The following SCD5 variants were observed in gnomAD, a reference collection of about 807,000 sequenced individuals.
SCD5 encodes acyl-CoA-desaturase 4.
Under a neutral mutation model 30.4 loss-of-function variants are expected in SCD5, and 20 were observed. The ratio of observed to expected loss-of-function variants is 0.66; its 90% CI spans 0.46 to 0.96. The LOEUF (loss-of-function observed/expected upper bound fraction) is 0.96, where lower values mean the gene tolerates loss of function less well. SCD5 is among the 40% of genes least tolerant of loss of function. The probability of loss-of-function intolerance (pLI) is 0.00; values close to 1 mark genes in which losing one functional copy is unlikely to be tolerated. For synonymous variants in SCD5, 173 were observed against 176.4 expected (o/e 0.98, Z 0.16); for missense variants, 381 against 443.3 (o/e 0.86, Z 1.26).
At chr4:82,633,288 T>C (rs772999311) in intron 4 of SCD5, among the ~76,000 whole-genome samples, 1 of 152,264 alleles carries the variant, frequency 6.6e-6, no homozygotes, top group Non-Finnish European at 1.5e-5. Flanking sequence ...TCCAGGTTCA[T>C]TCAAGTTGTG....
rs1002693288 is a variant in SCD5, at chr4:82,798,595, G to T, written c.-58C>A. The T allele has an allele frequency of 2.1e-6, 3 of 1,434,728 alleles. No individual in the cohort carries two copies. The highest frequency in any genetic ancestry group is 2.8e-6 in the Non-Finnish European group (3 of 1,075,680). The allele number at this position is 1,434,728 out of a possible 1,614,324, so 88.9% of individuals were successfully genotyped here. On this transcript the variant is annotated 5_prime_UTR_variant, in exon 1 of 5. Coordinates refer to ENST00000319540, the MANE Select transcript of SCD5 (RefSeq NM_001037582.3). ...AGGCAGGCAGGCGCTCTGCCCGAGCGGAGCTCGAGGGTGGGGGCGGGGGCT... is the reference window on the plus strand; with the variant it reads ...AGGCAGGCAGGCGCTCTGCCCGAGCTGAGCTCGAGGGTGGGGGCGGGGGCT...
At chr4:82,651,743 G>A (rs141306948) in intron 3 of SCD5, among the ~76,000 whole-genome samples, 14,046 of 151,896 alleles carry the variant, frequency 0.092, 892 homozygotes, top group African/African-American at 0.17. Context: ...GTGAAACCCC[G>A]TCTCTACAAA....
chr4:82,633,787 A>C (rs77902864), intron 4 of SCD5, among the ~76,000 whole-genome samples: 5,598 of 152,250 alleles, frequency 0.037, 134 homozygotes, highest in South Asian at 0.09. Flanking sequence ...TTACTGTACA[A>C]TTCACCCTCT....
At chr4:82,662,245 C>G (rs1281284469) in intron 3 of SCD5, among the ~76,000 whole-genome samples, 1 of 151,992 alleles carries the variant, frequency 6.6e-6, no homozygotes, top group Non-Finnish European at 1.5e-5. Flanking sequence ...TTGGTAGAGA[C>G]AGGATCTATG....
chr4:82,644,889 T>C (rs1170705556), intron 3 of SCD5, among the ~76,000 whole-genome samples: 1 of 152,190 alleles, frequency 6.6e-6, no homozygotes, highest in Non-Finnish European at 1.5e-5. Context: ...TTGTAAAATG[T>C]TGACAATATT....
chr4:82,760,552 TC>T (rs1427800550), intron 1 of SCD5, among the ~76,000 whole-genome samples: 1 of 152,092 alleles, frequency 6.6e-6, no homozygotes. Context: ...CACCACCACA[TC>T]CGGCTAATTT....
intron 1 of SCD5, among the ~76,000 whole-genome samples, chr4:82,780,215 G>A (rs78332093): frequency 0.05 from 7,633 of 152,242 alleles, 269 homozygotes; most frequent in Middle Eastern, 0.085. Flanking sequence ...TGGTGTTTCT[G>A]CCTGGAGAAC....
At chr4:82,745,403 G>C (rs548903186) in intron 1 of SCD5, among the ~76,000 whole-genome samples, 1 of 152,196 alleles carries the variant, frequency 6.6e-6, no homozygotes, top group Non-Finnish European at 1.5e-5. Context: ...GGGTGAGCAC[G>C]GCTCAGAACA....
At chr4:82,643,710 A>G (rs891017222) in intron 3 of SCD5, among the ~76,000 whole-genome samples, 1 of 152,246 alleles carries the variant, frequency 6.6e-6, no homozygotes, top group African/African-American at 2.4e-5. Context: ...ACAATGATTA[A>G]TATTATCTTT....
chr4:82,662,338 C>A (rs1451417063), intron 3 of SCD5, among the ~76,000 whole-genome samples: 1 of 152,094 alleles, frequency 6.6e-6, no homozygotes, highest in African/African-American at 2.4e-5. Context: ...CAAGCATGAG[C>A]CACCACGCCC....
In SCD5 at chr4:82,765,622, C is replaced by CT. The variant is rs547525458; in HGVS notation, c.232+32683dup. Among the ~76,000 whole-genome samples, 526 of 144,382 alleles carry CT rather than the reference C, an allele frequency of 3.6e-3. 6 individuals are homozygous for CT. The highest frequency in any genetic ancestry group is 9.8e-3 in the African/African-American group (386 of 39,520). 94.7% of individuals were successfully genotyped at this position (144,382 alleles called of 152,430 possible). On this transcript the variant is annotated intron_variant, in intron 1 of 4. Transcript: ENST00000319540. ...ATTTATTGTTTCATTGTTATTTTTC[C>CT]TTTTTTTTTTTTGAGACAGAGTCTT...
At chr4:82,686,511 G>T (rs184326770) in intron 2 of SCD5, among the ~76,000 whole-genome samples, 163 of 152,240 alleles carry the variant, frequency 1.1e-3, no homozygotes, top group Non-Finnish European at 1.9e-3. Context: ...GGAAATCATG[G>T]TTGTGTTCAG....
At chr4:82,723,142 C>CATT (rs938114519) in intron 1 of SCD5, among the ~76,000 whole-genome samples, 5 of 148,682 alleles carry the variant, frequency 3.4e-5, no homozygotes, top group African/African-American at 1.2e-4. Context: ...ACTACAGGAA[C>CATT]ATTACATAGT....
At chr4:82,778,503 C>G (rs1314269866) in intron 1 of SCD5, among the ~76,000 whole-genome samples, 1 of 152,244 alleles carries the variant, frequency 6.6e-6, no homozygotes, top group Non-Finnish European at 1.5e-5. Context: ...AAGGTCCCTA[C>G]AAGGGCCGCA....
intron 1 of SCD5, among the ~76,000 whole-genome samples, chr4:82,781,615 T>C (rs973654521): frequency 6.6e-6 from 1 of 151,804 alleles, no homozygotes; most frequent in Non-Finnish European, 1.5e-5. Flanking sequence ...TAATGGGAGG[T>C]GTTTGGGTTA....
chr4:82,764,828 G>A (rs975754364), intron 1 of SCD5, among the ~76,000 whole-genome samples: 1 of 151,408 alleles, frequency 6.6e-6, no homozygotes, highest in Non-Finnish European at 1.5e-5. Flanking sequence ...CTGGGTTCAA[G>A]CGATTCTCCT....
At chr4:82,798,045 G>C (rs1175113208) in intron 1 of SCD5, among the ~76,000 whole-genome samples, 1 of 149,046 alleles carries the variant, frequency 6.7e-6, no homozygotes, top group Non-Finnish European at 1.5e-5. Flanking sequence ...TCGGGAAGCC[G>C]GCAAATGCGC....
chr4:82,744,498 A>T (rs1720944314), intron 1 of SCD5, among the ~76,000 whole-genome samples: 2 of 152,188 alleles, frequency 1.3e-5, no homozygotes, highest in Non-Finnish European at 2.9e-5. Context: ...AGGTCAGTAC[A>T]GGTATCTGTT....
Position 82,753,124 on chromosome 4 carries a change from ATTTTAG to A in SCD5, c.232+45176_232+45181del, listed in dbSNP as rs1418018277. Among the ~76,000 whole-genome samples, 1,233 of 152,216 alleles carry A rather than the reference ATTTTAG, an allele frequency of 8.1e-3. 12 individuals are homozygous for A. The highest frequency in any genetic ancestry group is 9.9e-3 in the Non-Finnish European group (676 of 67,994). ...TGAAAACCACAGGACTGGAGTCTGC[ATTTTAG>A]CAAGATCCTATGTGATTCCTGTGCA... On this transcript the variant is annotated intron_variant, in intron 1 of 4. Transcript: ENST00000319540.
Sources: allele counts gnomAD v4.1 joint callset (sites outside exome capture counted in the v4.1 genomes callset), GRCh38; gene constraint gnomAD v4.1.1; transcripts MANE v1.5; gene names NCBI Gene and HGNC (gene_info 2026-07-23, HGNC 2026-07-21).